Variants in HYAL4 observed in about 807,000 individuals in gnomAD.
HYAL4 encodes the protein hyaluronidase 4.
HYAL4 carries 37 observed loss-of-function variants against 35.2 expected under a neutral mutation model. The observed-to-expected ratio is 1.05, with a 90% CI of 0.81 to 1.38. HYAL4 has a LOEUF of 1.38. HYAL4 is among the 40% of genes most tolerant of loss of function. HYAL4 has a pLI of 0.00. For synonymous variants in HYAL4, 198 were observed against 203.2 expected, an observed-to-expected ratio of 0.97 and a Z score of 0.22; for missense variants, 572 against 572.4, an observed-to-expected ratio of 1.00 and a Z score of 0.01.
At chr7:123,845,712 G>A (rs763344029) in intron 1 of HYAL4, 27 bp downstream of exon 1, 3 of 152,096 alleles carry the variant, frequency 2.0e-5, no homozygotes, top group African/African-American at 7.2e-5. Context: ...TTTTGGGGGG[G>A]ATGTTAAAGA....
chr7:123,787,992 A>C, the HYAL4 span, among the ~76,000 whole-genome samples: 1 of 152,258 alleles, frequency 6.6e-6, no homozygotes, highest in South Asian at 2.1e-4. Flanking sequence ...GGTCTTCGGC[A>C]CTCAACATAG....
At chr7:123,797,720 T>C in the HYAL4 span, among the ~76,000 whole-genome samples, 1 of 152,180 alleles carries the variant, frequency 6.6e-6, no homozygotes, top group African/African-American at 2.4e-5. Context: ...TTGAAGATAA[T>C]AGTCTCAGGT....
intron 1 of HYAL4, among the ~76,000 whole-genome samples, chr7:123,846,638 A>G (rs1358933198): frequency 6.6e-6 from 1 of 151,544 alleles, no homozygotes; most frequent in Non-Finnish European, 1.5e-5. Flanking sequence ...CCAGATTCAC[A>G]CCCTCCCCTG....
upstream of HYAL4, among the ~76,000 whole-genome samples, chr7:123,844,871 A>G (rs1286793639): frequency 2.0e-5 from 3 of 151,998 alleles, no homozygotes; most frequent in Non-Finnish European, 4.4e-5. Context: ...ACTGGTTGCT[A>G]AGTCCTTGGG....
chr7:123,790,650 G>A, the HYAL4 span: 2 of 149,348 alleles, frequency 1.3e-5, no homozygotes, highest in Non-Finnish European at 3.0e-5. Context: ...CCTTGCGCAG[G>A]GGCCATGCTA....
upstream of HYAL4, among the ~76,000 whole-genome samples, chr7:123,841,321 G>A (rs550839898): frequency 3.2e-4 from 48 of 152,032 alleles, no homozygotes; most frequent in East Asian, 1.4e-3. Flanking sequence ...CAAGCCTTGC[G>A]TCCCAGGGAT....
chr7:123,868,906 C>G lies in HYAL4; in HGVS notation c.633C>G (p.Pro211=). 1 of 1,614,186 alleles carries G rather than the reference C, an allele frequency of 6.2e-7. No individual in the cohort carries two copies. The part of the protein sequence containing the change: ...ETIKLGIKSR[P]KGLWGYYLYP... The stretch of plus-strand genomic sequence containing the variant: ...TCAAATTGGGAATTAAGAGCCGACC[C>G]AAAGGCCTTTGGGGTTATTATTTAT... The change falls in exon 3 of 5, where the codon CCC becomes CCG. Residue 211 remains proline, a synonymous_variant. Coordinates refer to ENST00000223026, the MANE Select transcript of HYAL4 (RefSeq NM_012269.3).
chr7:123,768,470 G>T, the HYAL4 span, among the ~76,000 whole-genome samples: 22 of 152,100 alleles, frequency 1.4e-4, no homozygotes, highest in Admixed American at 5.2e-4. Flanking sequence ...ACATTTATTG[G>T]GCAATGGCTA....
At chr7:123,803,301 G>T in the HYAL4 span, among the ~76,000 whole-genome samples, 4 of 152,038 alleles carry the variant, frequency 2.6e-5, no homozygotes, top group African/African-American at 7.2e-5. Context: ...GAATTTAAAA[G>T]AATTTTTAAA....
the HYAL4 span, among the ~76,000 whole-genome samples, chr7:123,818,202 AT>A: frequency 6.6e-6 from 1 of 152,112 alleles, no homozygotes; most frequent in Non-Finnish European, 1.5e-5. Flanking sequence ...TTAAAACAGC[AT>A]TTTTCTCTTT....
At chr7:123,783,510 A>G in the HYAL4 span, among the ~76,000 whole-genome samples, 1,483 of 152,306 alleles carry the variant, frequency 9.7e-3, 10 homozygotes, top group Middle Eastern at 0.02. Flanking sequence ...TCTCCCCAGA[A>G]TCATTGAAAA....
At chr7:123,851,891 C>T (rs1400802197) in intron 2 of HYAL4, among the ~76,000 whole-genome samples, 1 of 152,216 alleles carries the variant, frequency 6.6e-6, no homozygotes, top group Non-Finnish European at 1.5e-5. Context: ...TCCACATTCT[C>T]TGAAGCATCT....
At chr7:123,862,615 G>T (rs1358308738) in intron 2 of HYAL4, among the ~76,000 whole-genome samples, 1 of 152,142 alleles carries the variant, frequency 6.6e-6, no homozygotes, top group African/African-American at 2.4e-5. Flanking sequence ...AAACAAATTA[G>T]TGCAATTAAT....
the HYAL4 span, among the ~76,000 whole-genome samples, chr7:123,772,737 G>A: frequency 6.6e-6 from 1 of 152,144 alleles, no homozygotes; most frequent in Non-Finnish European, 1.5e-5. Context: ...TCTTCGAAAT[G>A]GAATTATAGA....
the HYAL4 span, among the ~76,000 whole-genome samples, chr7:123,796,003 A>G: frequency 6.6e-6 from 1 of 152,214 alleles, no homozygotes; most frequent in East Asian, 1.9e-4. Flanking sequence ...TATAGGGTGA[A>G]CCAAATAAAC....
the HYAL4 span, among the ~76,000 whole-genome samples, chr7:123,771,374 A>G: frequency 1.2e-4 from 18 of 152,178 alleles, no homozygotes; most frequent in African/African-American, 4.3e-4. Flanking sequence ...GTATCTTAGT[A>G]CTAATGATAT....
the HYAL4 span, among the ~76,000 whole-genome samples, chr7:123,778,707 A>G: frequency 6.6e-6 from 1 of 152,160 alleles, no homozygotes; most frequent in African/African-American, 2.4e-5. Context: ...TGCCAGCTTG[A>G]TTAAGATGGT....
chr7:123,869,708 G>A (rs542283421), intron 3 of HYAL4, among the ~76,000 whole-genome samples: 2 of 151,384 alleles, frequency 1.3e-5, no homozygotes, highest in East Asian at 3.9e-4. Context: ...TCTTCAAGAT[G>A]GAGTTTTTTG....
chr7:123,797,261 T>A, the HYAL4 span, among the ~76,000 whole-genome samples: 1 of 152,232 alleles, frequency 6.6e-6, no homozygotes, highest in Non-Finnish European at 1.5e-5. Flanking sequence ...TGTACCCTTC[T>A]CTTTTTATAG....
Sources: gnomAD v4.1 joint callset for allele counts (sites outside exome capture counted in the v4.1 genomes callset) on GRCh38, gnomAD v4.1.1 for gene constraint, MANE v1.5 for transcripts, NCBI Gene and HGNC (gene_info 2026-07-23, HGNC 2026-07-21) for gene names.